CHRDL1: variants seen among roughly 807,000 people sequenced by gnomAD.
CHRDL1 encodes the protein chordin like 1.
Under a neutral mutation model 40.9 loss-of-function variants are expected in CHRDL1, and 19 were observed. That is an observed-to-expected ratio of 0.46 (90% CI 0.32 to 0.68). The LOEUF is 0.68. Ranked by LOEUF, CHRDL1 falls within the 30% of genes least tolerant of loss-of-function variation. The pLI is 0.03. For synonymous variants in CHRDL1, 136 were observed against 123.4 expected (o/e 1.10, Z -0.68); for missense variants, 329 against 352.1 (o/e 0.93, Z 0.53).
chrX:110,786,161 C>T (rs181760318), intron 2 of CHRDL1, among the ~76,000 whole-genome samples: 6 of 111,988 alleles, frequency 5.4e-5, no homozygotes, highest in Non-Finnish European at 1.1e-4. Flanking sequence ...TGACAACAAA[C>T]CCAAAGTTTC....
intron 8 of CHRDL1, among the ~76,000 whole-genome samples, chrX:110,689,572 C>CTA (rs1381910225): frequency 3.0e-4 from 1 of 3,377 alleles, no homozygotes; most frequent in African/African-American, 2.3e-3. Flanking sequence ...CTATATATAT[C>CTA]TATATATCTA....
At chrX:110,681,424 C>A in intron 10 of CHRDL1, 58 bp downstream of exon 10, 5 of 1,036,987 alleles carry the variant, frequency 4.8e-6, no homozygotes, top group Non-Finnish European at 5.4e-6. Context: ...AAAGTGAGTC[C>A]TCTCATCCTT....
intron 4 of CHRDL1, among the ~76,000 whole-genome samples, chrX:110,757,389 A>C (rs928762220): frequency 2.7e-5 from 3 of 111,194 alleles, no homozygotes; most frequent in African/African-American, 9.8e-5. Flanking sequence ...AGAAAAAAAA[A>C]ACGAAGAACC....
Position 110,694,257 on chromosome X carries a change from C to T in CHRDL1, c.684G>A (p.Gly228=). ...TAAGAGCTCCCCGGTGACTTCTGGC[C>T]CCAGGAAAGCGGGACAGACCTCCAG... ...RQAGGLSRFP[G]ARSHRGALMD... The change falls in exon 8 of 12, where the codon GGG becomes GGA. Residue 228 remains glycine, a synonymous_variant. Coordinates refer to ENST00000372042, the MANE Select transcript of CHRDL1 (RefSeq NM_001143981.2). 1 of 1,209,457 alleles carries T rather than the reference C, an allele frequency of 8.3e-7. No individual in the cohort carries two copies. Among genetic ancestry groups the T allele is most frequent in the Non-Finnish European group, 1.1e-6 (1 of 893,520 alleles).
chrX:110,676,135 A>G lies in CHRDL1; in HGVS notation c.*96T>C. ...AATAATTGACTGCATTTGAGTTTGGAGTTTTAGGGCACTGTTGACTTAAGC... is the reference window on the plus strand; with the variant it reads ...AATAATTGACTGCATTTGAGTTTGGGGTTTTAGGGCACTGTTGACTTAAGC... On this transcript the variant is annotated 3_prime_UTR_variant, in exon 12 of 12. Coordinates refer to ENST00000372042, the MANE Select transcript of CHRDL1 (RefSeq NM_001143981.2). The G allele has an allele frequency of 1.1e-6, 1 of 895,919 alleles. No individual in the cohort carries two copies. Among genetic ancestry groups the G allele is most frequent in the Non-Finnish European group, 1.6e-6 (1 of 644,724 alleles). The allele number at this position is 895,919 out of a possible 1,213,427, so 73.8% of individuals were successfully genotyped here.
At chrX:110,712,028 G>A (rs1346461717) in intron 6 of CHRDL1, among the ~76,000 whole-genome samples, 1 of 111,838 alleles carries the variant, frequency 8.9e-6, no homozygotes, top group East Asian at 2.8e-4. Flanking sequence ...TCTGTACTTG[G>A]AATGCTGTCA....
At chrX:110,754,095 G>T (rs1234379097) in intron 4 of CHRDL1, among the ~76,000 whole-genome samples, 1 of 112,103 alleles carries the variant, frequency 8.9e-6, no homozygotes, top group African/African-American at 3.2e-5. Flanking sequence ...TCTTGCCTCA[G>T]TTGGGCCACA....
At position 110,674,457 on chromosome X, in the gene CHRDL1, CCACACACACACACACACACACACA is replaced by C. The variant is rs72056903; in HGVS notation, c.*1750_*1773del. On this transcript the variant is annotated 3_prime_UTR_variant, in exon 12 of 12. Coordinates refer to ENST00000372042, the MANE Select transcript of CHRDL1 (RefSeq NM_001143981.2). ...GCCGCATAACACCTTCCCCCCTTTA[CCACACACACACACACACACACACA>C]CACACACACACACACACACACACAA... is the stretch of plus-strand genomic sequence containing the variant. 15 of 78,929 alleles carry C rather than the reference CCACACACACACACACACACACACA, an allele frequency of 1.9e-4. No individual in the cohort carries two copies. The highest frequency in any genetic ancestry group is 1.6e-3 in the Admixed American group (11 of 6,844). The allele number at this position is 78,929 out of a possible 1,213,427, so 6.5% of individuals were successfully genotyped here.
intron 4 of CHRDL1, among the ~76,000 whole-genome samples, chrX:110,745,463 T>A (rs1181843146): frequency 9.0e-6 from 1 of 111,407 alleles, no homozygotes; most frequent in Non-Finnish European, 1.9e-5. Flanking sequence ...ACACAGACCA[T>A]ACTCAACTGC....
chrX:110,692,013 C>A (rs2070290123), intron 8 of CHRDL1, among the ~76,000 whole-genome samples: 2 of 110,398 alleles, frequency 1.8e-5, no homozygotes, highest in Non-Finnish European at 3.8e-5. Context: ...AAAATTTAGG[C>A]TGGATTCAAG....
intron 2 of CHRDL1, among the ~76,000 whole-genome samples, chrX:110,772,773 G>C (rs190779807): frequency 1.8e-5 from 2 of 112,490 alleles, no homozygotes; most frequent in African/African-American, 6.5e-5. Flanking sequence ...TTTCAACAAA[G>C]GTGCAAAGGG....
rs758831604 is a variant in CHRDL1, at chrX:110,790,928, G to A, written c.94+1160C>T. Among the ~76,000 whole-genome samples, 22 of 104,977 alleles carry A rather than the reference G, an allele frequency of 2.1e-4. No homozygotes were observed. The East Asian group carries it at 4.5e-3, about 21-fold the overall frequency. 91.2% of individuals were successfully genotyped at this position (104,977 alleles called of 115,157 possible). ...ATCATACTAGATATCACCATACACC[G>A]CTCATGCTCAAAAGCATAATCAAAA... On this transcript the variant is annotated intron_variant, in intron 2 of 11. Coordinates refer to ENST00000372042, the MANE Select transcript of CHRDL1 (RefSeq NM_001143981.2).
intron 4 of CHRDL1, among the ~76,000 whole-genome samples, chrX:110,732,778 T>G (rs994811934): frequency 1.9e-5 from 2 of 106,428 alleles, no homozygotes; most frequent in East Asian, 3.1e-4. Flanking sequence ...GGGGGTTTTT[T>G]GGGGGGCAGG....
At chrX:110,728,500 A>T (rs1462154260) in intron 4 of CHRDL1, among the ~76,000 whole-genome samples, 1 of 111,687 alleles carries the variant, frequency 9.0e-6, no homozygotes, top group African/African-American at 3.3e-5. Context: ...TATTCCTACT[A>T]GTGGGAGAGA....
At chrX:110,721,739 G>GTCCA (rs1294419134) in intron 4 of CHRDL1, among the ~76,000 whole-genome samples, 12 of 110,988 alleles carry the variant, frequency 1.1e-4, no homozygotes, top group South Asian at 3.8e-4. Flanking sequence ...CCATCCATCC[G>GTCCA]TCCATCCATC....
intron 4 of CHRDL1, among the ~76,000 whole-genome samples, chrX:110,736,248 T>G: frequency 8.9e-6 from 1 of 112,212 alleles, no homozygotes; most frequent in Non-Finnish European, 1.9e-5. Flanking sequence ...AGACCAAAAT[T>G]CCTGATGTGG....
At chrX:110,755,033 C>T (rs1177646852) in intron 4 of CHRDL1, among the ~76,000 whole-genome samples, 1 of 110,491 alleles carries the variant, frequency 9.1e-6, no homozygotes, top group East Asian at 2.8e-4. Context: ...ACTTTCCCTT[C>T]CAGCATTACC....
At chrX:110,684,647 C>A (rs2069967158) in intron 9 of CHRDL1, among the ~76,000 whole-genome samples, 1 of 111,482 alleles carries the variant, frequency 9.0e-6, no homozygotes, top group South Asian at 3.6e-4. Context: ...AGCATGCTGG[C>A]AAGTAGCCTT....
rs1232496910 is a variant in CHRDL1, at chrX:110,723,215, C to CACTCCAGCCTGGGCGACAGAGCGAG, written c.302-1710_302-1686dup. On this transcript the variant is annotated intron_variant, in intron 4 of 11. Coordinates refer to ENST00000372042, the MANE Select transcript of CHRDL1 (RefSeq NM_001143981.2). ...GCAGTGAGCCGTGATCACGCCACTG[C>CACTCCAGCCTGGGCGACAGAGCGAG]ACTCCAGCCTGGGCGACAGAGCGAG... Among the ~76,000 whole-genome samples the CACTCCAGCCTGGGCGACAGAGCGAG allele has an allele frequency of 1.5e-4, 17 of 111,444 alleles. 1 individual carries two copies. The highest frequency in any genetic ancestry group is 5.5e-4 in the African/African-American group (17 of 30,678).
Sources: gnomAD v4.1 joint callset for allele counts (sites outside exome capture counted in the v4.1 genomes callset) on GRCh38, gnomAD v4.1.1 for gene constraint, MANE v1.5 for transcripts, NCBI Gene and HGNC (gene_info 2026-07-23, HGNC 2026-07-21) for gene names.